The following RALB variants were observed in gnomAD, a reference collection of about 807,000 sequenced individuals.
RALB encodes RAS like proto-oncogene B.
In RALB, 16 loss-of-function variants were observed where a neutral mutation model predicts 21.3. The observed-to-expected ratio is 0.75, with a 90% CI of 0.51 to 1.14. The LOEUF is 1.14. Among genes scored for constraint, RALB ranks in the 50% most tolerant of loss-of-function variants. The pLI, the probability that RALB is intolerant of heterozygous loss-of-function variation, is 0.00. For synonymous variants in RALB, 93 were observed against 96.1 expected (o/e 0.97, Z 0.19); for missense variants, 161 against 256.2 (o/e 0.63, Z 2.54).
chr2:120,253,228 C>T (rs1426878745), intron 1 of RALB: 5 of 372,700 alleles, frequency 1.3e-5, no homozygotes, highest in Non-Finnish European at 1.9e-5. Flanking sequence ...GGGCGGCCTC[C>T]GCCTCTCCCT....
In RALB at chr2:120,244,461, G is replaced by A. The variant is rs187114816; in HGVS notation, c.19+4336G>A. Among the ~76,000 whole-genome samples the A allele has an allele frequency of 4.2e-4, 64 of 152,342 alleles. 1 individual carries two copies. Among genetic ancestry groups the A allele is most frequent in the Admixed American group, 1.6e-3 (25 of 15,310 alleles). ...TTCCTGCCAGTGTGCTGTGTGTCTC[G>A]CAGAGCCTCAGCGGGAGACTGGCAC... On this transcript the variant is annotated intron_variant, in intron 1 of 3. Coordinates refer to the RALB transcript ENST00000447591.
intron 2 of RALB, among the ~76,000 whole-genome samples, chr2:120,282,630 C>T (rs1450534886): frequency 6.6e-6 from 1 of 152,022 alleles, no homozygotes; most frequent in African/African-American, 2.4e-5. Flanking sequence ...TTTTTCTCTT[C>T]TTTCTGTTCT....
At chr2:120,253,090 G>GCA in intron 1 of RALB, 110 bp downstream of exon 1, 1 of 768,694 alleles carries the variant, frequency 1.3e-6, no homozygotes, top group Non-Finnish European at 1.6e-6. Context: ...CTGTGGCCGG[G>GCA]CGGCGGCAGG....
intron 1 of RALB, among the ~76,000 whole-genome samples, chr2:120,255,283 T>TA (rs1192411978): frequency 6.6e-6 from 1 of 152,192 alleles, no homozygotes; most frequent in African/African-American, 2.4e-5. Flanking sequence ...TTTGTTTTTT[T>TA]AAATGAATGT....
intron 1 of RALB, among the ~76,000 whole-genome samples, chr2:120,262,056 G>A (rs1689378796): frequency 6.6e-6 from 1 of 152,180 alleles, no homozygotes; most frequent in Non-Finnish European, 1.5e-5. Flanking sequence ...ATGTCATTGG[G>A]GAGGACGACA....
chr2:120,263,322 C>CT (rs1223787713), intron 1 of RALB, among the ~76,000 whole-genome samples: 2 of 151,518 alleles, frequency 1.3e-5, no homozygotes, highest in African/African-American at 4.9e-5. Context: ...ACACATGCCA[C>CT]TACACCCAGC....
chr2:120,272,062 C>T (rs565844028), intron 1 of RALB, among the ~76,000 whole-genome samples: 1 of 152,262 alleles, frequency 6.6e-6, no homozygotes, highest in South Asian at 2.1e-4. Flanking sequence ...AATTTATTTT[C>T]CCACAGTTCT....
intron 1 of RALB, among the ~76,000 whole-genome samples, chr2:120,253,984 A>G (rs1332239620): frequency 1.3e-5 from 2 of 152,170 alleles, no homozygotes; most frequent in Admixed American, 1.3e-4. Context: ...AAGCAGAGCC[A>G]TAAGATTGTT....
At chr2:120,272,397 T>C (rs922477827) in intron 1 of RALB, among the ~76,000 whole-genome samples, 6 of 152,208 alleles carry the variant, frequency 3.9e-5, no homozygotes, top group Admixed American at 3.9e-4. Flanking sequence ...AGTATACGGA[T>C]ACCTGCAATT....
upstream of RALB, among the ~76,000 whole-genome samples, chr2:120,251,844 G>T (rs138037380): frequency 1.4e-3 from 215 of 152,292 alleles, no homozygotes; most frequent in African/African-American, 4.9e-3. Context: ...CTAAGGTAAA[G>T]CTTCTGTGCT....
Position 120,293,442 on chromosome 2 carries a change from A to C in RALB, c.*182A>C, listed in dbSNP as rs1239774193. ...GCTGGCAGAAGAAATAAGCCCATGC[A>C]AGTGGAAGGGCTGCTTTGTCAGGAG... is the stretch of plus-strand genomic sequence containing the variant. On this transcript the variant is annotated 3_prime_UTR_variant, in exon 5 of 5. Transcript: ENST00000272519. 1 of 487,820 alleles carries C rather than the reference A, an allele frequency of 2.0e-6. No individual in the cohort carries two copies. The allele number at this position is 487,820 out of a possible 1,614,324, so 30.2% of individuals were successfully genotyped here.
At chr2:120,250,693 G>A (rs1275868002), upstream of RALB, among the ~76,000 whole-genome samples, 2 of 152,168 alleles carry the variant, frequency 1.3e-5, no homozygotes, top group Non-Finnish European at 2.9e-5. Context: ...GGCTCTGCTG[G>A]GAGTCAGAGT....
At chr2:120,290,267 G>T (rs917290263) in intron 4 of RALB, among the ~76,000 whole-genome samples, 2 of 152,188 alleles carry the variant, frequency 1.3e-5, no homozygotes, top group Admixed American at 1.3e-4. Context: ...GGGATTACAG[G>T]TGTGAGCCAC....
intron 1 of RALB, among the ~76,000 whole-genome samples, chr2:120,271,497 A>C (rs984375772): frequency 6.6e-6 from 1 of 152,202 alleles, no homozygotes; most frequent in African/African-American, 2.4e-5. Flanking sequence ...GGACCCGCCT[A>C]GCAATGACTC....
At chr2:120,263,109 T>C (rs1450884681) in intron 1 of RALB, among the ~76,000 whole-genome samples, 1 of 152,248 alleles carries the variant, frequency 6.6e-6, no homozygotes, top group East Asian at 1.9e-4. Context: ...TTTTCCTACT[T>C]TACCATATAT....
At chr2:120,244,136 T>A (rs151320146) in intron 1 of RALB, among the ~76,000 whole-genome samples, 1 of 152,156 alleles carries the variant, frequency 6.6e-6, no homozygotes, top group African/African-American at 2.4e-5. Context: ...CCAGATCTCG[T>A]GAAAACTCAC....
chr2:120,273,743 G>A lies in RALB; in HGVS notation c.-47-4875G>A, dbSNP rs114029335. The stretch of plus-strand genomic sequence containing the variant: ...GCACGTTCAGCTTCTTTCACTGTCA[G>A]AATCTTTGCAAAGGCAGTTTCACCC... On this transcript the variant is annotated intron_variant, in intron 1 of 4. Coordinates refer to ENST00000272519, the MANE Select transcript of RALB (RefSeq NM_002881.3). Among the ~76,000 whole-genome samples, 1,140 of 152,346 alleles carry A rather than the reference G, an allele frequency of 7.5e-3. 6 individuals carry two copies. The highest frequency in any genetic ancestry group is 0.012 in the Non-Finnish European group (832 of 68,036).
At chr2:120,275,872 G>A (rs999579904) in intron 1 of RALB, among the ~76,000 whole-genome samples, 5 of 152,142 alleles carry the variant, frequency 3.3e-5, no homozygotes, top group South Asian at 2.1e-4. Context: ...GAAAGAGAAC[G>A]GTTCTCTGCC....
chr2:120,261,218 C>T (rs1689358412), intron 1 of RALB, among the ~76,000 whole-genome samples: 1 of 152,174 alleles, frequency 6.6e-6, no homozygotes, highest in East Asian at 1.9e-4. Flanking sequence ...TAGAACGTGT[C>T]TACATGCTGT....
Sources: gnomAD v4.1 joint callset for allele counts (sites outside exome capture counted in the v4.1 genomes callset) on GRCh38, gnomAD v4.1.1 for gene constraint, MANE v1.5 for transcripts, NCBI Gene and HGNC (gene_info 2026-07-23, HGNC 2026-07-21) for gene names.